The following PLCB4 variants were observed in gnomAD, a reference collection of about 807,000 sequenced individuals.
The protein encoded by PLCB4 is phospholipase C beta 4, also known as 1-phosphatidylinositol 4,5-bisphosphate phosphodiesterase beta-4.
PLCB4 carries 77 observed loss-of-function variants against 178.8 expected under a neutral mutation model. That is an observed-to-expected ratio of 0.43 (90% CI 0.36 to 0.52). The LOEUF (loss-of-function observed/expected upper bound fraction) is 0.52. Among genes scored for constraint, PLCB4 ranks in the 20% least tolerant of loss-of-function variants. The pLI, the probability that PLCB4 is intolerant of heterozygous loss-of-function variation, is 0.00. For synonymous variants in PLCB4, 496 were observed against 490.8 expected (o/e 1.01, Z -0.14); for missense variants, 1,024 against 1,453.4 (o/e 0.70, Z 4.80).
chr20:9,421,795 A>G (rs1490891501), intron 27 of PLCB4, among the ~76,000 whole-genome samples: 1 of 152,122 alleles, frequency 6.6e-6, no homozygotes, highest in East Asian at 1.9e-4. Context: ...AACTTACACT[A>G]TTCCTTTAGC....
chr20:9,435,311 T>C lies in PLCB4; in HGVS notation c.2525-249T>C, dbSNP rs1326956887. Among the ~76,000 whole-genome samples, 4 of 152,358 alleles carry C rather than the reference T, an allele frequency of 2.6e-5. No homozygotes were observed. The East Asian group carries it at 7.7e-4, about 29-fold the overall frequency. On this transcript the variant is annotated intron_variant, in intron 28 of 39. Coordinates refer to ENST00000378473, the MANE Select transcript of PLCB4 (RefSeq NM_001377142.1). ...TTGTCCTGACACTTTGCCTCCTTCA[T>C]ATCAGGAAAAACTTTGTATCAGGAA... is the stretch of plus-strand genomic sequence containing the variant.
At chr20:9,450,692 G>C (rs950164706) in intron 32 of PLCB4, among the ~76,000 whole-genome samples, 1 of 104,422 alleles carries the variant, frequency 9.6e-6, no homozygotes, top group African/African-American at 3.8e-5. Context: ...ATGGAGTCTT[G>C]CTCTGTCATG....
chr20:9,471,650 A>AAC (rs1362326521), intron 36 of PLCB4, among the ~76,000 whole-genome samples: 7 of 152,198 alleles, frequency 4.6e-5, no homozygotes, highest in African/African-American at 1.7e-4. Flanking sequence ...ACTCATGAAA[A>AAC]ACACTCTACC....
intron 3 of PLCB4, among the ~76,000 whole-genome samples, chr20:9,233,121 A>C (rs1416481850): frequency 6.6e-6 from 1 of 152,152 alleles, no homozygotes; most frequent in Non-Finnish European, 1.5e-5. Flanking sequence ...AGTTGAAATT[A>C]CTCAAATGTA....
intron 4 of PLCB4, among the ~76,000 whole-genome samples, chr20:9,322,308 T>C (rs2094970253): frequency 6.6e-6 from 1 of 152,066 alleles, no homozygotes; most frequent in Non-Finnish European, 1.5e-5. Context: ...AAACATACTA[T>C]ATGGAAAGAT....
intron 4 of PLCB4, among the ~76,000 whole-genome samples, chr20:9,311,294 A>G (rs1165189690): frequency 6.6e-6 from 1 of 152,092 alleles, no homozygotes; most frequent in Non-Finnish European, 1.5e-5. Flanking sequence ...GACTACTCCA[A>G]TTTGTTTCCT....
At chr20:9,108,830 T>G (rs2091466225) in intron 2 of PLCB4, among the ~76,000 whole-genome samples, 1 of 150,484 alleles carries the variant, frequency 6.6e-6, no homozygotes, top group South Asian at 2.1e-4. Context: ...GGGAAAAGCC[T>G]AGTGAGAAAG....
chr20:9,310,129 A>G (rs558602689), intron 4 of PLCB4, among the ~76,000 whole-genome samples: 35 of 152,320 alleles, frequency 2.3e-4, no homozygotes, highest in Non-Finnish European at 4.4e-4. Context: ...TCCCACTCCT[A>G]TAAGACTCAG....
chr20:9,194,820 A>G (rs182095881), intron 2 of PLCB4, among the ~76,000 whole-genome samples: 8 of 152,308 alleles, frequency 5.3e-5, no homozygotes, highest in African/African-American at 1.4e-4. Flanking sequence ...TAAAAGGAAA[A>G]TACATGGGGC....
chr20:9,310,027 A>G (rs1601759448), intron 4 of PLCB4, among the ~76,000 whole-genome samples: 1 of 152,352 alleles, frequency 6.6e-6, no homozygotes, highest in Non-Finnish European at 1.5e-5. Context: ...TTAACTTTAT[A>G]AAGCAAACAT....
chr20:9,377,970 C>A (rs927166818), intron 12 of PLCB4, among the ~76,000 whole-genome samples: 1 of 152,148 alleles, frequency 6.6e-6, no homozygotes. Flanking sequence ...TCAGCAGATT[C>A]AGTAGATCTA....
intron 7 of PLCB4, among the ~76,000 whole-genome samples, chr20:9,356,224 T>A (rs953742814): frequency 2.0e-5 from 3 of 152,106 alleles, no homozygotes; most frequent in Non-Finnish European, 4.4e-5. Flanking sequence ...TTGCGAAAAT[T>A]TTCTCCCATT....
chr20:9,123,640 C>A (rs2092031151), intron 2 of PLCB4, among the ~76,000 whole-genome samples: 1 of 151,894 alleles, frequency 6.6e-6, no homozygotes, highest in Non-Finnish European at 1.5e-5. Context: ...GAGGCAATTA[C>A]CATGAACAAT....
At chr20:9,263,137 G>C (rs535620275) in intron 3 of PLCB4, among the ~76,000 whole-genome samples, 33 of 152,244 alleles carry the variant, frequency 2.2e-4, no homozygotes, top group Middle Eastern at 3.4e-3. Context: ...AAGCTGATCG[G>C]CTCATGTGCT....
chr20:9,348,401 A>G (rs2034018898), intron 7 of PLCB4, among the ~76,000 whole-genome samples: 1 of 152,224 alleles, frequency 6.6e-6, no homozygotes, highest in African/African-American at 2.4e-5. Context: ...ACGATGATAC[A>G]GCTAATCAGA....
chr20:9,477,827 G>T (rs1341313045), intron 39 of PLCB4, among the ~76,000 whole-genome samples: 1 of 152,102 alleles, frequency 6.6e-6, no homozygotes, highest in East Asian at 1.9e-4. Flanking sequence ...AATTAATTTT[G>T]TCACAAGAAT....
At chr20:9,402,314 T>C (rs895101032) in intron 20 of PLCB4, among the ~76,000 whole-genome samples, 3 of 152,200 alleles carry the variant, frequency 2.0e-5, no homozygotes, top group African/African-American at 7.2e-5. Flanking sequence ...GAATTGGCCA[T>C]GCACAGAGGT....
At chr20:9,360,165 C>CT (rs1191468433) in intron 7 of PLCB4, among the ~76,000 whole-genome samples, 7 of 152,226 alleles carry the variant, frequency 4.6e-5, no homozygotes, top group Non-Finnish European at 4.4e-5. Flanking sequence ...ATTGACCTCA[C>CT]TTTCATCATT....
chr20:9,236,526 G>T (rs539982495), intron 3 of PLCB4, among the ~76,000 whole-genome samples: 4 of 152,106 alleles, frequency 2.6e-5, no homozygotes, highest in African/African-American at 9.7e-5. Context: ...GAGCCTAATT[G>T]CACAAGGCAG....
Sources: gnomAD v4.1 joint callset for allele counts (sites outside exome capture counted in the v4.1 genomes callset) on GRCh38, gnomAD v4.1.1 for gene constraint, MANE v1.5 for transcripts, NCBI Gene and HGNC (gene_info 2026-07-23, HGNC 2026-07-21) for gene names.